The following CAPRIN2 variants were observed in gnomAD, a reference collection of about 807,000 sequenced individuals.
CAPRIN2 encodes caprin-2.
A neutral mutation model predicts 130.4 loss-of-function variants in CAPRIN2; 66 were observed. That is an observed-to-expected ratio of 0.51 (90% confidence interval 0.42 to 0.62). CAPRIN2 has a LOEUF of 0.62. Among genes scored for constraint, CAPRIN2 ranks in the 20% least tolerant of loss-of-function variants. CAPRIN2 has a pLI of 0.00. For synonymous variants in CAPRIN2, 471 were observed against 444.1 expected, an observed-to-expected ratio of 1.06 and a Z score of -0.76; for missense variants, 1,185 against 1,246.6, an observed-to-expected ratio of 0.95 and a Z score of 0.74.
chr12:30,750,093 G>A (rs1389771489), intron 2 of CAPRIN2, among the ~76,000 whole-genome samples: 1 of 152,172 alleles, frequency 6.6e-6, no homozygotes, highest in African/African-American at 2.4e-5. Flanking sequence ...ACAAAGCTAT[G>A]CTGAAATGCT....
chr12:30,740,347 T>G (rs113198007), intron 3 of CAPRIN2, among the ~76,000 whole-genome samples: 1,678 of 152,020 alleles, frequency 0.011, 24 homozygotes, highest in African/African-American at 0.039. Flanking sequence ...TGAGGCATGC[T>G]CTCCTCTCCA....
chr12:30,728,382 G>A (rs991752552), intron 8 of CAPRIN2: 20 of 313,850 alleles, frequency 6.4e-5, no homozygotes, highest in African/African-American at 3.5e-4. Context: ...GTGAAACCCC[G>A]TCTCTACTAA....
At chr12:30,741,963 TA>T (rs1249698659) in intron 2 of CAPRIN2, among the ~76,000 whole-genome samples, 3 of 151,868 alleles carry the variant, frequency 2.0e-5, no homozygotes, top group Non-Finnish European at 4.4e-5. Context: ...TAGTCAGCAA[TA>T]AAAACCAATG....
At chr12:30,745,783 G>T (rs1170213238) in intron 2 of CAPRIN2, among the ~76,000 whole-genome samples, 24 of 151,722 alleles carry the variant, frequency 1.6e-4, no homozygotes, top group Admixed American at 1.6e-3. Context: ...TGGGTGGGGG[G>T]GTGGAATATG....
chr12:30,713,696 A>G, intron 15 of CAPRIN2, 89 bp downstream of exon 17: 1 of 752,178 alleles, frequency 1.3e-6, no homozygotes. Context: ...CTTTCAGAAA[A>G]CAAATTATGA....
At chr12:30,749,812 A>C (rs2072803879) in intron 2 of CAPRIN2, among the ~76,000 whole-genome samples, 1 of 152,232 alleles carries the variant, frequency 6.6e-6, no homozygotes, top group Non-Finnish European at 1.5e-5. Flanking sequence ...CAGATATCAA[A>C]GTTCATACAT....
At chr12:30,739,807 T>C (rs553586754) in intron 3 of CAPRIN2, among the ~76,000 whole-genome samples, 61 of 152,250 alleles carry the variant, frequency 4.0e-4, no homozygotes, top group South Asian at 2.1e-4. Context: ...TCCCAGACTA[T>C]TGTAAAAATC....
At chr12:30,737,727 A>G (rs2138713305) in intron 3 of CAPRIN2, among the ~76,000 whole-genome samples, 1 of 151,414 alleles carries the variant, frequency 6.6e-6, no homozygotes, top group Non-Finnish European at 1.5e-5. Flanking sequence ...CCTCCCGAGT[A>G]GCTGGGACTA....
At chr12:30,728,676 G>C (rs200277035) in exon 8 of CAPRIN2, 1 of 1,611,310 alleles carries the variant, frequency 6.2e-7, no homozygotes, top group African/African-American at 1.3e-5. Context: ...CAACTTCCTG[G>C]GCAGCAGCTG....
intron 8 of CAPRIN2, among the ~76,000 whole-genome samples, chr12:30,727,484 C>A (rs934989981): frequency 1.3e-5 from 2 of 152,098 alleles, no homozygotes; most frequent in African/African-American, 4.8e-5. Flanking sequence ...GCTAAAATGG[C>A]ACAGATGTGC....
intron 16 of CAPRIN2, among the ~76,000 whole-genome samples, chr12:30,711,301 G>A (rs1485769608): frequency 6.6e-6 from 1 of 152,120 alleles, no homozygotes; most frequent in African/African-American, 2.4e-5. Flanking sequence ...TCAGCATAGT[G>A]AATATATAAA....
intron 8 of CAPRIN2, among the ~76,000 whole-genome samples, chr12:30,727,310 G>C (rs1017045437): frequency 6.6e-6 from 1 of 152,192 alleles, no homozygotes; most frequent in Non-Finnish European, 1.5e-5. Context: ...AGCAACTTGA[G>C]AGAGAAAGGA....
At chr12:30,729,188 C>T (rs1453562735) in exon 8 of CAPRIN2, 1 of 1,614,064 alleles carries the variant, frequency 6.2e-7, no homozygotes, top group Non-Finnish European at 8.5e-7. Context: ...CCTGTTTCTT[C>T]TCTTGACCAT....
intron 2 of CAPRIN2, among the ~76,000 whole-genome samples, chr12:30,747,147 G>A (rs960801231): frequency 1.3e-5 from 2 of 152,110 alleles, no homozygotes; most frequent in Non-Finnish European, 2.9e-5. Flanking sequence ...ACAAAGCCTG[G>A]ATGATAGCAC....
intron 8 of CAPRIN2, among the ~76,000 whole-genome samples, chr12:30,728,182 C>T (rs947898234): frequency 6.6e-6 from 1 of 152,076 alleles, no homozygotes; most frequent in Non-Finnish European, 1.5e-5. Context: ...TAGATTAACT[C>T]CCAGTTTTCA....
chr12:30,717,059 A>G (rs1223792529), intron 12 of CAPRIN2, among the ~76,000 whole-genome samples: 3 of 152,210 alleles, frequency 2.0e-5, no homozygotes, highest in Non-Finnish European at 4.4e-5. Flanking sequence ...TAGAATTAAC[A>G]TATGATCCAC....
chr12:30,726,876 C>A (rs1390268701), intron 8 of CAPRIN2, among the ~76,000 whole-genome samples: 1 of 152,128 alleles, frequency 6.6e-6, no homozygotes, highest in Non-Finnish European at 1.5e-5. Context: ...GAACTCTATT[C>A]TGCACTTGAC....
chr12:30,734,414 C>T (rs1315483746), intron 4 of CAPRIN2, among the ~76,000 whole-genome samples: 1 of 152,062 alleles, frequency 6.6e-6, no homozygotes, highest in Non-Finnish European at 1.5e-5. Context: ...AGCAATGGAT[C>T]ACTGTGAGGG....
chr12:30,719,441 G>A (rs146386856), intron 12 of CAPRIN2: 28 of 534,106 alleles, frequency 5.2e-5, no homozygotes, highest in African/African-American at 4.7e-4. Flanking sequence ...AAGTGAAAGA[G>A]TCTTACCAAT....
Sources: allele counts gnomAD v4.1 joint callset (sites outside exome capture counted in the v4.1 genomes callset), GRCh38; gene constraint gnomAD v4.1.1; transcripts MANE v1.5; gene names NCBI Gene and HGNC (gene_info 2026-07-23, HGNC 2026-07-21).